Variants in TBX10 observed in about 807,000 individuals in gnomAD.
TBX10 encodes the protein T-box transcription factor 10.
TBX10 carries 26 observed loss-of-function variants against 32.4 expected under a neutral mutation model. The observed-to-expected ratio is 0.80, with a 90% CI of 0.59 to 1.11. The LOEUF (loss-of-function observed/expected upper bound fraction) is 1.11. Among genes scored for constraint, TBX10 ranks in the 50% most tolerant of loss-of-function variants. TBX10 has a pLI of 0.00. For missense variants in TBX10, 490 were observed against 494.5 expected (o/e 0.99, Z 0.09); for synonymous variants, 195 against 203.1 (o/e 0.96, Z 0.34).
chr11:67,640,267 C>T (rs540838401), upstream of TBX10, among the ~76,000 whole-genome samples: 2 of 152,364 alleles, frequency 1.3e-5, no homozygotes, highest in African/African-American at 2.4e-5. Context: ...CAGGGAGCTG[C>T]GCAACGCTGG....
chr11:67,638,448 T>A (rs1206510859), intron 1 of TBX10, among the ~76,000 whole-genome samples: 1 of 152,078 alleles, frequency 6.6e-6, no homozygotes, highest in Non-Finnish European at 1.5e-5. Flanking sequence ...CCCGAGTGGC[T>A]TTGGGATATT....
chr11:67,631,968 C>T, intron 7 of TBX10, 74 bp from the exon 8 acceptor site: 2 of 1,535,808 alleles, frequency 1.3e-6, no homozygotes, highest in African/African-American at 2.7e-5. Flanking sequence ...GCCCTGGTCC[C>T]TTCCTGCTCC....
chr11:67,635,406 C>A (rs1339578626), intron 1 of TBX10, 143 bp from the exon 2 acceptor site: 1 of 1,231,208 alleles, frequency 8.1e-7, no homozygotes. Flanking sequence ...CACTCAGCAT[C>A]ACTCTGTGAG....
At position 67,632,222 on chromosome 11, in the gene TBX10, G is replaced by A. The variant is rs564358586; in HGVS notation, c.868+96C>T. 1.2e-5 allele frequency: 17 copies of A among 1,417,148 alleles called. No homozygotes were observed. The East Asian group carries it at 3.4e-4, about 28-fold the overall frequency. 87.8% of individuals were successfully genotyped at this position (1,417,148 alleles called of 1,614,324 possible). A position where few individuals can be genotyped will look rare whatever the true frequency, so the allele number is the denominator to read the frequency against. The stretch of plus-strand genomic sequence containing the variant: ...CACACAGGGGCCCTGTGGGTTCGCT[G>A]AGCTGCTGAAGCCCCTTCCTGGAGG... On this transcript the variant is annotated intron_variant, in intron 7 of 7. Transcript: ENST00000335385.
At chr11:67,633,181 A>G (rs1315498642) in intron 4 of TBX10, 78 bp from the exon 5 acceptor site, 9 of 1,544,308 alleles carry the variant, frequency 5.8e-6, no homozygotes, top group Non-Finnish European at 7.9e-6. Context: ...CCTTCCCTCC[A>G]AGCCGGGAGA....
At chr11:67,639,397 A>T in intron 1 of TBX10, 69 bp downstream of exon 1, 2 of 381,860 alleles carry the variant, frequency 5.2e-6, no homozygotes, top group Non-Finnish European at 9.8e-6. Context: ...CTTGGTTCCC[A>T]CCCTGCCCAC....
chr11:67,634,046 G>C, intron 4 of TBX10, 143 bp downstream of exon 4: 1 of 917,436 alleles, frequency 1.1e-6, no homozygotes. Flanking sequence ...CCCCCAGCCA[G>C]GTGAGCTCGC....
At chr11:67,639,401 T>TTCCCC in intron 1 of TBX10, 65 bp downstream of exon 1, 1 of 213,932 alleles carries the variant, frequency 4.7e-6, no homozygotes, top group Non-Finnish European at 9.8e-6. Context: ...GTTCCCACCC[T>TTCCCC]GCCCACCCAC....
At chr11:67,641,042 G>A (rs1855396917), upstream of TBX10, among the ~76,000 whole-genome samples, 1 of 152,100 alleles carries the variant, frequency 6.6e-6, no homozygotes, top group African/African-American at 2.4e-5. Context: ...AGTGCTCTGT[G>A]TGAGTTGGAG....
chr11:67,633,901 A>C (rs1161452927), intron 4 of TBX10, among the ~76,000 whole-genome samples: 2 of 152,184 alleles, frequency 1.3e-5, no homozygotes, highest in Non-Finnish European at 2.9e-5. Context: ...GTGTCCACAC[A>C]TAAAGCGGGC....
chr11:67,633,741 C>T (rs1177992260), intron 4 of TBX10, among the ~76,000 whole-genome samples: 5 of 152,208 alleles, frequency 3.3e-5, no homozygotes, highest in South Asian at 2.1e-4. Flanking sequence ...ACCCTTTCTC[C>T]GCCCCCCTTC....
Position 67,632,024 on chromosome 11 carries a change from C to G in TBX10, c.869-130G>C, listed in dbSNP as rs1798721025. 7.4e-6 allele frequency: 10 copies of G among 1,344,956 alleles called. No homozygotes were observed. The African/African-American group carries it at 1.2e-4, about 16-fold the overall frequency. The allele number at this position is 1,344,956 out of a possible 1,614,324, so 83.3% of individuals were successfully genotyped here. A position where few individuals can be genotyped will look rare whatever the true frequency, so the allele number is the denominator to read the frequency against. Reference sequence around the variant, plus strand: ...TCTCAGCCTTCGCCTTTGCTTTTCCCTCTGCCTGGAATTTCTTCTTCACCT... The same window carrying G: ...TCTCAGCCTTCGCCTTTGCTTTTCCGTCTGCCTGGAATTTCTTCTTCACCT... On this transcript the variant is annotated intron_variant, in intron 7 of 7. Coordinates refer to ENST00000335385, the MANE Select transcript of TBX10 (RefSeq NM_005995.5).
chr11:67,640,567 G>T (rs933230207), upstream of TBX10, among the ~76,000 whole-genome samples: 5 of 152,234 alleles, frequency 3.3e-5, no homozygotes, highest in African/African-American at 9.6e-5. Context: ...TGGGCATTCA[G>T]GGGACACATG....
intron 1 of TBX10, among the ~76,000 whole-genome samples, chr11:67,636,362 T>C (rs4620726): frequency 0.78 from 117,311 of 151,150 alleles, 45,979 homozygotes; most frequent in East Asian, 0.93. Flanking sequence ...GGATTACAGG[T>C]GTGAGCCACT....
chr11:67,636,895 A>G (rs1024452122), intron 1 of TBX10, among the ~76,000 whole-genome samples: 1 of 152,242 alleles, frequency 6.6e-6, no homozygotes, highest in African/African-American at 2.4e-5. Context: ...CCATGTTCTT[A>G]TGAGCATTAT....
At chr11:67,632,573 T>A (rs1855253962) in intron 6 of TBX10, 30 bp downstream of exon 6, 1 of 1,610,514 alleles carries the variant, frequency 6.2e-7, no homozygotes, top group Non-Finnish European at 8.5e-7. Flanking sequence ...GGGGTGGGGG[T>A]GAGGGGCTAG....
At chr11:67,637,458 C>A (rs529673782) in intron 1 of TBX10, among the ~76,000 whole-genome samples, 1 of 152,216 alleles carries the variant, frequency 6.6e-6, no homozygotes, top group African/African-American at 2.4e-5. Context: ...GACGTGTCCA[C>A]CCTACTGCTG....
Position 67,639,524 on chromosome 11 carries a change from G to C in TBX10, c.-52C>G, listed in dbSNP as rs1483896573. ...GGAGAAACACTGCTTGGCTGGGGCT[G>C]GGAACCTGCCTGCTGGAAGGGGTGG... On this transcript the variant is annotated 5_prime_UTR_variant, in exon 1 of 8. Transcript: ENST00000335385. 2.4e-5 allele frequency: 39 copies of C among 1,611,816 alleles called. No individual in the cohort carries two copies. The highest frequency in any genetic ancestry group is 3.1e-5 in the Non-Finnish European group (36 of 1,179,394).
intron 4 of TBX10, 43 bp downstream of exon 4, chr11:67,634,146 C>G: frequency 6.2e-7 from 1 of 1,607,504 alleles, no homozygotes; most frequent in Non-Finnish European, 8.5e-7. Flanking sequence ...CCTACCAGCC[C>G]TGACCCCAGG....
Sources: allele counts gnomAD v4.1 joint callset (sites outside exome capture counted in the v4.1 genomes callset), GRCh38; gene constraint gnomAD v4.1.1; transcripts MANE v1.5; gene names NCBI Gene and HGNC (gene_info 2026-07-23, HGNC 2026-07-21).